Variants in NR3C2 observed in about 807,000 individuals in gnomAD.
NR3C2 encodes the protein mineralocorticoid receptor.
A neutral mutation model predicts 86.4 loss-of-function variants in NR3C2; 15 were observed. The observed-to-expected ratio is 0.17, with a 90% CI of 0.12 to 0.27. The LOEUF (loss-of-function observed/expected upper bound fraction) is 0.27, where lower values mean the gene tolerates loss of function less well. Ranked by LOEUF, NR3C2 falls within the 10% of genes least tolerant of loss-of-function variation. The probability of loss-of-function intolerance (pLI) is 1.00; values close to 1 mark genes in which losing one functional copy is unlikely to be tolerated. For missense variants in NR3C2, 960 were observed against 1,195.6 expected, an observed-to-expected ratio of 0.80 and a Z score of 2.91; for synonymous variants, 458 against 450.5, an observed-to-expected ratio of 1.02 and a Z score of -0.21.
intron 4 of NR3C2, among the ~76,000 whole-genome samples, chr4:148,173,134 T>C (rs1214070422): frequency 1.3e-5 from 2 of 152,140 alleles, no homozygotes; most frequent in Non-Finnish European, 2.9e-5. Context: ...AGGGATGGTG[T>C]CAGGGAGTAA....
chr4:148,226,832 T>C lies in NR3C2; in HGVS notation c.1898-31970A>G, dbSNP rs183613999. On this transcript the variant is annotated intron_variant, in intron 3 of 8. Transcript: ENST00000358102. Reference sequence around the variant, plus strand: ...AATTTGCCATTTGTATTTCTCTGACTACAAATGATGTTGAGCATTTTTAAA... The same window carrying C: ...AATTTGCCATTTGTATTTCTCTGACCACAAATGATGTTGAGCATTTTTAAA... Among the ~76,000 whole-genome samples, 475 of 152,326 alleles carry C rather than the reference T, an allele frequency of 3.1e-3. 3 individuals are homozygous for C. The highest frequency in any genetic ancestry group is 5.2e-3 in the Admixed American group (80 of 15,294).
At chr4:148,390,531 G>A (rs937616563) in intron 2 of NR3C2, among the ~76,000 whole-genome samples, 2 of 152,130 alleles carry the variant, frequency 1.3e-5, no homozygotes, top group African/African-American at 4.8e-5. Context: ...GCAAGGTAGG[G>A]CTGCCTAGGG....
intron 2 of NR3C2, among the ~76,000 whole-genome samples, chr4:148,274,643 C>T (rs1740870163): frequency 1.3e-5 from 2 of 151,882 alleles, no homozygotes; most frequent in South Asian, 4.1e-4. Context: ...TCATGCAGAA[C>T]TGTGAGTAGA....
intron 2 of NR3C2, among the ~76,000 whole-genome samples, chr4:148,335,567 G>A (rs1346297270): frequency 1.3e-5 from 2 of 152,044 alleles, no homozygotes; most frequent in Non-Finnish European, 2.9e-5. Flanking sequence ...TGCCCAATGT[G>A]TTCGGCTAAA....
chr4:148,431,610 T>C (rs952118220), intron 2 of NR3C2, among the ~76,000 whole-genome samples: 1 of 152,142 alleles, frequency 6.6e-6, no homozygotes, highest in African/African-American at 2.4e-5. Flanking sequence ...ATCCATTCAC[T>C]GGAAATTATT....
chr4:148,175,087 C>T (rs769903466), intron 4 of NR3C2, among the ~76,000 whole-genome samples: 1 of 152,144 alleles, frequency 6.6e-6, no homozygotes, highest in Non-Finnish European at 1.5e-5. Context: ...TATTCAGGGA[C>T]TTCTCCCAAT....
At chr4:148,304,480 C>T (rs1047533344) in intron 2 of NR3C2, among the ~76,000 whole-genome samples, 1 of 151,978 alleles carries the variant, frequency 6.6e-6, no homozygotes, top group Non-Finnish European at 1.5e-5. Context: ...ACCTTCAGGA[C>T]ATTAAACTCC....
chr4:148,204,387 G>A (rs963612576), intron 3 of NR3C2, among the ~76,000 whole-genome samples: 2 of 152,118 alleles, frequency 1.3e-5, no homozygotes, highest in African/African-American at 4.8e-5. Flanking sequence ...ACGTTATTCA[G>A]GGCAGTGGAA....
intron 2 of NR3C2, among the ~76,000 whole-genome samples, chr4:148,404,400 T>C (rs191230788): frequency 1.3e-5 from 2 of 152,266 alleles, no homozygotes; most frequent in South Asian, 2.1e-4. Context: ...GGTACACTAA[T>C]AGTCAAAATT....
chr4:148,216,474 C>G (rs2883930), intron 3 of NR3C2, among the ~76,000 whole-genome samples: 46,633 of 151,774 alleles, frequency 0.31, 7,965 homozygotes, highest in African/African-American at 0.46. Flanking sequence ...AAGTGTTTGC[C>G]GAGAGTAAAT....
chr4:148,395,446 A>G (rs1349862819), intron 2 of NR3C2, among the ~76,000 whole-genome samples: 1 of 152,218 alleles, frequency 6.6e-6, no homozygotes, highest in East Asian at 1.9e-4. Context: ...ACACGGAGTC[A>G]TAGTTACAAC....
At chr4:148,141,683 T>C (rs1197906249) in intron 6 of NR3C2, among the ~76,000 whole-genome samples, 2 of 152,018 alleles carry the variant, frequency 1.3e-5, no homozygotes, top group East Asian at 1.9e-4. Flanking sequence ...CAGCAGGTGG[T>C]GGGCAGCAGG....
chr4:148,192,629 AGACTCTCCTTGGGTGG>A (rs1736251157), intron 4 of NR3C2, among the ~76,000 whole-genome samples: 1 of 143,402 alleles, frequency 7.0e-6, no homozygotes. Flanking sequence ...GTCTGAGCTC[AGACTCTCCTTGGGTGG>A]GTCTTGCTGT....
chr4:148,286,940 AC>A (rs1300318302), intron 2 of NR3C2, among the ~76,000 whole-genome samples: 1 of 152,224 alleles, frequency 6.6e-6, no homozygotes, highest in Non-Finnish European at 1.5e-5. Context: ...CTCCAGCGGC[AC>A]CACATTCTTA....
At chr4:148,383,058 G>A (rs1191439994) in intron 2 of NR3C2, among the ~76,000 whole-genome samples, 4 of 152,046 alleles carry the variant, frequency 2.6e-5, no homozygotes, top group Non-Finnish European at 5.9e-5. Context: ...CTATAAATTA[G>A]ATAAAAACAC....
intron 2 of NR3C2, among the ~76,000 whole-genome samples, chr4:148,269,504 A>G (rs1316271727): frequency 2.0e-5 from 3 of 152,238 alleles, no homozygotes; most frequent in Non-Finnish European, 4.4e-5. Context: ...ATCCGATAGT[A>G]TGCACTTGAG....
At chr4:148,267,794 T>A (rs193203073) in intron 2 of NR3C2, among the ~76,000 whole-genome samples, 136 of 152,286 alleles carry the variant, frequency 8.9e-4, no homozygotes, top group African/African-American at 3.2e-3. Flanking sequence ...CACCAATATT[T>A]TAAAAAATAC....
chr4:148,093,318 G>A (rs569699396), intron 8 of NR3C2, among the ~76,000 whole-genome samples: 1 of 152,222 alleles, frequency 6.6e-6, no homozygotes, highest in Non-Finnish European at 1.5e-5. Context: ...GCAAAGGAAG[G>A]CTTCTCAGAA....
intron 2 of NR3C2, among the ~76,000 whole-genome samples, chr4:148,306,359 CCT>C (rs560954517): frequency 1.4e-4 from 22 of 152,282 alleles, no homozygotes; most frequent in Non-Finnish European, 2.8e-4. Context: ...TAAATCTACC[CCT>C]CTTTCACCTT....
Sources: gnomAD v4.1 joint callset for allele counts (sites outside exome capture counted in the v4.1 genomes callset) on GRCh38, gnomAD v4.1.1 for gene constraint, MANE v1.5 for transcripts, NCBI Gene and HGNC (gene_info 2026-07-23, HGNC 2026-07-21) for gene names.